Variants in FAM163B observed in about 807,000 individuals in gnomAD.
FAM163B encodes protein FAM163B.
FAM163B carries 4 observed loss-of-function variants against 7.6 expected under a neutral mutation model. That is an observed-to-expected ratio of 0.52 (90% CI 0.26 to 1.20). The LOEUF (loss-of-function observed/expected upper bound fraction) is 1.20, where lower values mean the gene tolerates loss of function less well. FAM163B is among the 50% of genes most tolerant of loss of function. The pLI, the probability that FAM163B is intolerant of heterozygous loss-of-function variation, is 0.14. For missense variants in FAM163B, 250 were observed against 243.0 expected (o/e 1.03, Z -0.19); for synonymous variants, 120 against 111.6 (o/e 1.07, Z -0.47).
At chr9:133,595,097 C>T (rs1389918339) in intron 1 of FAM163B, among the ~76,000 whole-genome samples, 1 of 152,214 alleles carries the variant, frequency 6.6e-6, no homozygotes, top group Non-Finnish European at 1.5e-5. Flanking sequence ...CACATTTTAA[C>T]GTGCATCGAG....
chr9:133,601,008 C>A lies in FAM163B; in HGVS notation c.-24+8069G>T, dbSNP rs759579335. Among the ~76,000 whole-genome samples the A allele has an allele frequency of 3.3e-5, 5 of 152,254 alleles. No homozygotes were observed. The highest frequency in any genetic ancestry group is 7.4e-5 in the Non-Finnish European group (5 of 68,020). On this transcript the variant is annotated intron_variant, in intron 1 of 2. Transcript: ENST00000673969. This position sits in a 1 kb window ranked among gnomAD's most constrained non-coding sequence, Gnocchi z 4.1. ...TCAGCCCAAGTTCTCTCCCAAGTAC[C>A]AGCCATGAGGACCCCTGGGAGGGCC...
chr9:133,602,053 T>C (rs979021394), intron 1 of FAM163B, among the ~76,000 whole-genome samples: 1 of 152,122 alleles, frequency 6.6e-6, no homozygotes. Flanking sequence ...GGAATGGTTT[T>C]AAGCAGGGTT....
At chr9:133,603,428 G>A (rs1277537923) in intron 1 of FAM163B, among the ~76,000 whole-genome samples, 3 of 152,192 alleles carry the variant, frequency 2.0e-5, no homozygotes, top group Non-Finnish European at 2.9e-5. Flanking sequence ...TGGAGACCAG[G>A]GGGTGAGAGG....
Position 133,579,272 on chromosome 9 carries a change from G to A in FAM163B, c.251C>T (p.Ser84Phe), listed in dbSNP as rs1831312402. ...GCGGCAGAGGGCGCGGGCCTGCGGG[G>A]ACTTCTGGCTGAAGGAGGTGGAGGC... ...PTASTSFSQK[S>F]PQARALCRSC... Residue 84 changes from serine to phenylalanine, a missense_variant, in exon 3 of 3, where the codon TCC (serine) becomes TTC (phenylalanine). Coordinates refer to ENST00000673969, the MANE Select transcript of FAM163B (RefSeq NM_001080515.3). 1 of 1,613,016 alleles carries A rather than the reference G, an allele frequency of 6.2e-7. No individual in the cohort carries two copies.
Position 133,580,141 on chromosome 9 carries a change from C to G in FAM163B, c.83G>C (p.Cys28Ser). ...GCCGCCCGGGAATACCTGGAGCCGG[C>G]AGTAGCACAGAACAGCGATGATGCA... The part of the protein sequence containing the change: ...LLCIIAVLCY[C>S]RLQYYCCKKD... Residue 28 changes from cysteine (C) to serine (S), a missense_variant, in exon 2 of 3, where the codon TGC (cysteine) becomes TCC (serine). Coordinates refer to ENST00000673969, the MANE Select transcript of FAM163B (RefSeq NM_001080515.3). The G allele has an allele frequency of 1.2e-6, 2 of 1,612,126 alleles. No individual in the cohort carries two copies. Among genetic ancestry groups the G allele is most frequent in the Non-Finnish European group, 1.7e-6 (2 of 1,179,930 alleles).
chr9:133,580,402 A>C (rs1283718941), intron 1 of FAM163B, among the ~76,000 whole-genome samples, 156 bp from the exon 2 acceptor site: 2 of 152,360 alleles, frequency 1.3e-5, no homozygotes, highest in East Asian at 3.9e-4. Flanking sequence ...GGGGTGCAGC[A>C]GGAGCCCAGG....
intron 1 of FAM163B, chr9:133,585,862 T>C (rs938651716): frequency 2.6e-5 from 4 of 152,210 alleles, no homozygotes; most frequent in Non-Finnish European, 4.4e-5. Flanking sequence ...CCCAGGCTTG[T>C]TGCCTCACGG....
intron 1 of FAM163B, among the ~76,000 whole-genome samples, chr9:133,581,875 C>CG (rs1217828510): frequency 2.0e-5 from 3 of 152,190 alleles, no homozygotes; most frequent in East Asian, 1.9e-4. Context: ...TGCCAGATTC[C>CG]GGGGGGTCTC....
chr9:133,587,411 CT>C (rs1303488939), intron 1 of FAM163B, among the ~76,000 whole-genome samples: 6 of 152,216 alleles, frequency 3.9e-5, no homozygotes, highest in Non-Finnish European at 7.3e-5. Context: ...TTGTCCCCCC[CT>C]GGCCTGGTCC....
chr9:133,581,277 G>A (rs1421192997), intron 1 of FAM163B, among the ~76,000 whole-genome samples: 1 of 152,208 alleles, frequency 6.6e-6, no homozygotes, highest in East Asian at 1.9e-4. Flanking sequence ...GGTTTGACAA[G>A]CGGCTTACAA....
Position 133,580,214 on chromosome 9 carries a change from C to A in FAM163B, c.10G>T (p.Gly4Trp). The A allele has an allele frequency of 3.1e-6, 5 of 1,613,432 alleles. No homozygotes were observed. The Middle Eastern group carries it at 8.2e-4, about 266-fold the overall frequency. The change falls in exon 2 of 3, where the codon GGG becomes TGG. Residue 4 changes from glycine to tryptophan, a missense_variant. Physicochemically the swap from Gly to Trp is radical, Grantham distance 184. Coordinates refer to ENST00000673969, the MANE Select transcript of FAM163B (RefSeq NM_001080515.3). MTA[G>W]TVVITGGILA... Reference sequence around the variant, plus strand: ...ATGCCCCCGGTGATGACCACGGTCCCGGCTGTCATCCGCCCCCTTCTCCAT... The same window carrying A: ...ATGCCCCCGGTGATGACCACGGTCCAGGCTGTCATCCGCCCCCTTCTCCAT...
In FAM163B at chr9:133,587,542, T is replaced by C. The variant is rs982599836; in HGVS notation, c.-23-7296A>G. Among the ~76,000 whole-genome samples the C allele has an allele frequency of 2.0e-5, 3 of 152,222 alleles. No individual in the cohort carries two copies. In the South Asian group the frequency reaches 6.2e-4, roughly 32 times the overall value. On this transcript the variant is annotated intron_variant, in intron 1 of 2. Transcript: ENST00000673969. ...CCAAAGCCTCCTGGGGGCTCCCTGG[T>C]CCTCAGGGGTCACTGCTTCCTCTGA...
chr9:133,581,717 A>G (rs1470354453), intron 1 of FAM163B, among the ~76,000 whole-genome samples: 1 of 152,206 alleles, frequency 6.6e-6, no homozygotes, highest in African/African-American at 2.4e-5. Flanking sequence ...GATTCCTCGC[A>G]TGGCATTGAA....
intron 1 of FAM163B, among the ~76,000 whole-genome samples, chr9:133,584,468 A>G (rs1370984352): frequency 3.3e-5 from 5 of 152,226 alleles, no homozygotes; most frequent in African/African-American, 1.2e-4. Context: ...AATCCAGATG[A>G]TTTAGACACC....
chr9:133,599,436 C>G (rs553309301), intron 1 of FAM163B, among the ~76,000 whole-genome samples: 2 of 152,202 alleles, frequency 1.3e-5, no homozygotes, highest in African/African-American at 2.4e-5. Flanking sequence ...GTGTTTGCAT[C>G]TGTGTGTGTC....
chr9:133,608,036 G>A (rs1831810765), intron 1 of FAM163B, among the ~76,000 whole-genome samples: 1 of 152,186 alleles, frequency 6.6e-6, no homozygotes, highest in African/African-American at 2.4e-5. Context: ...GAACTTTTTG[G>A]GGGTTGGTAA....
chr9:133,590,639 C>T (rs897720530), intron 1 of FAM163B, among the ~76,000 whole-genome samples: 1 of 152,216 alleles, frequency 6.6e-6, no homozygotes, highest in Admixed American at 6.5e-5. Flanking sequence ...CTGACTCAGC[C>T]TTACGGACAG....
chr9:133,607,117 G>A (rs1265827501), intron 1 of FAM163B, among the ~76,000 whole-genome samples: 1 of 152,178 alleles, frequency 6.6e-6, no homozygotes, highest in Non-Finnish European at 1.5e-5. Context: ...AAAAAGGGAG[G>A]AACTGCACTC....
Position 133,579,202 on chromosome 9 carries a change from C to A in FAM163B, c.321G>T (p.Pro107=), listed in dbSNP as rs1251299517. The A allele has an allele frequency of 6.2e-7, 1 of 1,612,098 alleles. No homozygotes were observed. The highest frequency in any genetic ancestry group is 8.5e-7 in the Non-Finnish European group (1 of 1,179,796). Residue 107 remains proline, a synonymous_variant, in exon 3 of 3, where the codon CCG becomes CCT. Coordinates refer to ENST00000673969, the MANE Select transcript of FAM163B (RefSeq NM_001080515.3). ...TCAGCACGTCCTCTTCCTCCTCCGG[C>A]GGCTCCTGCAGGAAGAAGGTGGGGG... is the stretch of plus-strand genomic sequence containing the variant. ...CEPPTFFLQE[P]PEEEEDVLNG... is the part of the protein sequence containing the mutation.
Sources: gnomAD v4.1 joint callset for allele counts (sites outside exome capture counted in the v4.1 genomes callset) on GRCh38, gnomAD v4.1.1 for gene constraint, Gnocchi (gnomAD v3.1) non-coding constraint, MANE v1.5 for transcripts, NCBI Gene and HGNC (gene_info 2026-07-23, HGNC 2026-07-21) for gene names.